NAV3: variants seen among roughly 807,000 people sequenced by gnomAD.
NAV3 encodes the protein pore membrane and/or filament interacting like protein 1.
A neutral mutation model predicts 244.7 loss-of-function variants in NAV3; 87 were observed. That is an observed-to-expected ratio of 0.36 (90% CI 0.30 to 0.42). The LOEUF (loss-of-function observed/expected upper bound fraction) is 0.42, where lower values mean the gene tolerates loss of function less well. NAV3 is among the 20% of genes least tolerant of loss of function. The probability of loss-of-function intolerance (pLI) is 1.00; values close to 1 mark genes in which losing one functional copy is unlikely to be tolerated. For missense variants in NAV3, 2,663 were observed against 2,893.3 expected (o/e 0.92, Z 1.83); for synonymous variants, 1,126 against 1,042.2 (o/e 1.08, Z -1.55).
intron 9 of NAV3, among the ~76,000 whole-genome samples, chr12:78,031,904 A>AT (rs1057166199): frequency 2.9e-4 from 43 of 149,806 alleles, no homozygotes; most frequent in Non-Finnish European, 4.0e-4. Flanking sequence ...AATAATAATA[A>AT]AAAAAAAGAG....
rs757126780 is a variant in NAV3 at position 78,198,687 on chromosome 12, G to A, written c.6518+11G>A. On this transcript the variant is annotated intron_variant, in intron 36 of 39. Coordinates refer to ENST00000397909, the MANE Select transcript of NAV3 (RefSeq NM_001024383.2). ...GCATCACAATTTCAGGTAAAGTTAAGTTGAAGGTTTTTTTGTTTTGTTTTT... is the reference window on the plus strand; with the variant it reads ...GCATCACAATTTCAGGTAAAGTTAAATTGAAGGTTTTTTTGTTTTGTTTTT... The A allele has an allele frequency of 2.3e-6, 3 of 1,313,128 alleles. No individual in the cohort carries two copies. The African/African-American group carries it at 4.7e-5, about 21-fold the overall frequency. 81.3% of individuals were successfully genotyped at this position (1,313,128 alleles called of 1,614,324 possible).
At chr12:77,773,382 A>G (rs754059046) in intron 2 of NAV3, among the ~76,000 whole-genome samples, 3 of 152,170 alleles carry the variant, frequency 2.0e-5, no homozygotes, top group Admixed American at 6.6e-5. Flanking sequence ...GAAAAACTCT[A>G]ATGTCCCTAT....
In NAV3 at chr12:77,747,632, C is replaced by T. The variant is rs201366953; in HGVS notation, c.72+175366C>T. Among the ~76,000 whole-genome samples the T allele has an allele frequency of 4.0e-4, 61 of 152,230 alleles. No individual in the cohort carries two copies. The East Asian group carries it at 0.012, about 29-fold the overall frequency. On this transcript the variant is annotated intron_variant, in intron 2 of 8. Coordinates refer to the NAV3 transcript ENST00000550042. ...ACAATAGCAAAGACTTGGAACCAAC[C>T]CAAATGTCCATCAATGATAGACTGG...
intron 39 of NAV3, among the ~76,000 whole-genome samples, chr12:78,206,854 CTTTTT>C (rs10594185): frequency 0.33 from 37,924 of 114,684 alleles, 5,352 homozygotes; most frequent in East Asian, 0.68. Context: ...TTCTTTCTTA[CTTTTT>C]TTTTTTTTTT....
intron 22 of NAV3, among the ~76,000 whole-genome samples, chr12:78,152,026 C>T (rs776291448): frequency 5.3e-5 from 8 of 151,314 alleles, no homozygotes; most frequent in Non-Finnish European, 8.9e-5. Flanking sequence ...TAAAGATCTA[C>T]GACAGTTCTT....
intron 2 of NAV3, among the ~76,000 whole-genome samples, chr12:77,672,779 A>G (rs1874042470): frequency 6.6e-6 from 1 of 152,056 alleles, no homozygotes; most frequent in Non-Finnish European, 1.5e-5. Flanking sequence ...AATCACGACT[A>G]AAGAACCTGT....
chr12:77,593,640 T>C (rs1310410817), intron 2 of NAV3, among the ~76,000 whole-genome samples: 2 of 147,922 alleles, frequency 1.4e-5, no homozygotes, highest in South Asian at 2.1e-4. Flanking sequence ...ACTTTTTTTT[T>C]TTTTTTTGTA....
intron 2 of NAV3, among the ~76,000 whole-genome samples, chr12:77,780,967 C>T (rs970768744): frequency 2.0e-5 from 3 of 152,154 alleles, no homozygotes; most frequent in African/African-American, 7.2e-5. Flanking sequence ...TTGGCTCTGG[C>T]TTAAGTATAC....
At position 78,093,697 on chromosome 12, in the gene NAV3, TGAATTATAC is replaced by T. The variant is rs577334496; in HGVS notation, c.2637-23074_2637-23066del. 4.9e-3 allele frequency among the ~76,000 whole-genome samples: 749 copies of T among 152,180 alleles called. 1 individual carries two copies. The highest frequency in any genetic ancestry group is 8.3e-3 in the Non-Finnish European group (566 of 67,978). On this transcript the variant is annotated intron_variant, in intron 12 of 39. Coordinates refer to ENST00000397909, the MANE Select transcript of NAV3 (RefSeq NM_001024383.2). Reference sequence around the variant, plus strand: ...TCTAACTATTAGAAAAAAATAAAAATGAATTATACAAACTTATTTACCAAGTAAAATTGT... The same window carrying T: ...TCTAACTATTAGAAAAAAATAAAAATAAACTTATTTACCAAGTAAAATTGT...
Position 78,046,415 on chromosome 12 carries a change from A to G in NAV3, c.2024-3578A>G, listed in dbSNP as rs145032605. 1.5e-3 allele frequency among the ~76,000 whole-genome samples: 227 copies of G among 152,316 alleles called. 1 individual carries two copies. In the East Asian group the frequency reaches 0.04, roughly 27 times the overall value. ...ACACAGCTTTAGCTGTGTCCCAGAC[A>G]TTCTGGTATGTAGTTTCTTTATTCT... On this transcript the variant is annotated intron_variant, in intron 9 of 39. Transcript: ENST00000397909.
Position 78,188,711 on chromosome 12 carries a change from G to T in NAV3, c.5989G>T (p.Val1997Leu), listed in dbSNP as rs532036168. The change falls in exon 33 of 40, where the codon GTG becomes TTG. Residue 1997 changes from valine to leucine, a missense_variant. Transcript: ENST00000397909. ...CTTAATTAGATCCCATAACCTAGAA[G>T]TGCCTGAATTGCTGCCTTGTGGATA... is the stretch of plus-strand genomic sequence containing the variant. ...GDLIRSHNLE[V>L]PELLPCGYLV... 5.0e-6 allele frequency: 8 copies of T among 1,612,498 alleles called. No individual in the cohort carries two copies. The South Asian group carries it at 5.5e-5, about 11-fold the overall frequency.
chr12:78,113,992 C>A (rs1227776408), intron 12 of NAV3, among the ~76,000 whole-genome samples: 1 of 152,184 alleles, frequency 6.6e-6, no homozygotes, highest in East Asian at 1.9e-4. Context: ...ATATCTTCTA[C>A]CAGATACCCT....
At chr12:77,960,879 T>A (rs1473277789) in intron 3 of NAV3, among the ~76,000 whole-genome samples, 1 of 146,720 alleles carries the variant, frequency 6.8e-6, no homozygotes, top group Non-Finnish European at 1.5e-5. Context: ...AATAATATAT[T>A]GATATTTAAT....
intron 1 of NAV3, among the ~76,000 whole-genome samples, chr12:77,891,904 G>T (rs139364045): frequency 2.0e-5 from 3 of 151,996 alleles, no homozygotes; most frequent in African/African-American, 7.2e-5. Flanking sequence ...TCCCTTCTTT[G>T]CCCCAGGACC....
chr12:77,940,207 C>T (rs774417256), intron 1 of NAV3, 112 bp from the exon 2 acceptor site: 7 of 753,926 alleles, frequency 9.3e-6, no homozygotes, highest in Non-Finnish European at 1.6e-5. Context: ...ACTTCTTAAA[C>T]TGGAATGTGA....
chr12:77,966,091 A>T, intron 3 of NAV3, 138 bp from the exon 4 acceptor site: 1 of 749,780 alleles, frequency 1.3e-6, no homozygotes, highest in Non-Finnish European at 2.3e-6. Flanking sequence ...AATTCTAGTT[A>T]AACTCTGGTT....
intron 19 of NAV3, among the ~76,000 whole-genome samples, chr12:78,138,958 A>G (rs17044922): frequency 0.13 from 19,672 of 152,134 alleles, 1,710 homozygotes; most frequent in Admixed American, 0.27. Flanking sequence ...ACACTGACAG[A>G]TGAAGAGACT....
intron 16 of NAV3, among the ~76,000 whole-genome samples, chr12:78,124,319 A>T (rs1955810205): frequency 1.3e-5 from 2 of 152,254 alleles, no homozygotes; most frequent in Non-Finnish European, 2.9e-5. Flanking sequence ...TCTATATTTT[A>T]ACTGAAGTCA....
At chr12:77,956,789 T>C (rs1317419421) in intron 3 of NAV3, among the ~76,000 whole-genome samples, 1 of 152,098 alleles carries the variant, frequency 6.6e-6, no homozygotes, top group Non-Finnish European at 1.5e-5. Context: ...TCACCCAGGC[T>C]GGAGGGCAGT....
Sources: gnomAD v4.1 joint callset for allele counts (sites outside exome capture counted in the v4.1 genomes callset) on GRCh38, gnomAD v4.1.1 for gene constraint, MANE v1.5 for transcripts, NCBI Gene and HGNC (gene_info 2026-07-23, HGNC 2026-07-21) for gene names.